Variants in KIF5C observed in about 807,000 individuals in gnomAD.
KIF5C encodes the protein kinesin heavy chain isoform 5C.
Under a neutral mutation model 125.2 loss-of-function variants are expected in KIF5C, and 18 were observed. That is an observed-to-expected ratio of 0.14 (90% CI 0.10 to 0.21). The LOEUF (loss-of-function observed/expected upper bound fraction) is 0.21. Among genes scored for constraint, KIF5C ranks in the 10% least tolerant of loss-of-function variants. The pLI, the probability that KIF5C is intolerant of heterozygous loss-of-function variation, is 1.00. For missense variants in KIF5C, 780 were observed against 1,183.8 expected (o/e 0.66, Z 5.01); for synonymous variants, 405 against 434.0 (o/e 0.93, Z 0.83).
Position 148,954,055 on chromosome 2 carries a change from G to A in KIF5C, c.968+3593G>A, listed in dbSNP as rs190953302. Reference sequence around the variant, plus strand: ...AGCCCCCCACCCCCCGACAGGCCCCGATATGTGATCCATCCATGTGTTCTC... The same window carrying A: ...AGCCCCCCACCCCCCGACAGGCCCCAATATGTGATCCATCCATGTGTTCTC... On this transcript the variant is annotated intron_variant, in intron 10 of 25. Transcript: ENST00000435030. 3.6e-3 allele frequency among the ~76,000 whole-genome samples: 198 copies of A among 55,552 alleles called. 1 individual carries two copies. The highest frequency in any genetic ancestry group is 1.3e-3 in the Non-Finnish European group (39 of 30,254). 36.4% of individuals were successfully genotyped at this position (55,552 alleles called of 152,430 possible). A position where few individuals can be genotyped will look rare whatever the true frequency, so the allele number is the denominator to read the frequency against.
intron 21 of KIF5C, among the ~76,000 whole-genome samples, chr2:149,004,731 GAACATTAT>G (rs1681954644): frequency 6.6e-6 from 1 of 152,088 alleles, no homozygotes; most frequent in East Asian, 1.9e-4. Context: ...AATGTTCTAA[GAACATTAT>G]AAGGTTCATC....
At chr2:148,976,330 T>C (rs1029473489) in intron 12 of KIF5C, among the ~76,000 whole-genome samples, 3 of 151,890 alleles carry the variant, frequency 2.0e-5, no homozygotes, top group African/African-American at 7.3e-5. Context: ...AGTCCAGTGG[T>C]GCGACCTCAG....
At chr2:148,961,661 A>T (rs2105130313) in intron 10 of KIF5C, among the ~76,000 whole-genome samples, 1 of 152,298 alleles carries the variant, frequency 6.6e-6, no homozygotes, top group East Asian at 1.9e-4. Context: ...AACCATAAGG[A>T]TGGCTGAGAA....
chr2:148,958,095 T>A (rs536016394), intron 10 of KIF5C, among the ~76,000 whole-genome samples: 10 of 152,298 alleles, frequency 6.6e-5, no homozygotes, highest in Non-Finnish European at 1.2e-4. Context: ...TAGGTATCCA[T>A]TCTATTGTTG....
intron 10 of KIF5C, among the ~76,000 whole-genome samples, chr2:148,960,805 G>A (rs908347078): frequency 6.6e-6 from 1 of 152,200 alleles, no homozygotes; most frequent in Admixed American, 6.5e-5. Flanking sequence ...CAAATATGAC[G>A]GTGTAAGAAC....
At chr2:148,883,245 T>C (rs1203108275) in intron 1 of KIF5C, among the ~76,000 whole-genome samples, 1 of 152,224 alleles carries the variant, frequency 6.6e-6, no homozygotes, top group Admixed American at 6.5e-5. Flanking sequence ...CTCACACCTG[T>C]AATCCCAGCA....
intron 8 of KIF5C, 97 bp downstream of exon 8, chr2:148,947,120 T>C (rs1682536845): frequency 6.9e-7 from 1 of 1,459,184 alleles, no homozygotes; most frequent in East Asian, 2.5e-5. Context: ...TTTCCTGCTT[T>C]AAAGAGCTTT....
intron 25 of KIF5C, among the ~76,000 whole-genome samples, chr2:149,018,869 T>C (rs1682449046): frequency 1.3e-5 from 2 of 152,114 alleles, no homozygotes; most frequent in South Asian, 4.1e-4. Flanking sequence ...TGAGTTTATA[T>C]ATATATATAT....
At chr2:148,953,194 A>G (rs997957653) in intron 10 of KIF5C, among the ~76,000 whole-genome samples, 2 of 152,228 alleles carry the variant, frequency 1.3e-5, no homozygotes, top group Non-Finnish European at 2.9e-5. Flanking sequence ...CAACTAGTTC[A>G]CAGTAGGTGG....
chr2:148,998,169 G>A lies in KIF5C; in HGVS notation c.2101-231G>A, dbSNP rs547129745. ...CAAGGGAACACTTTTTATTTAGTTGGTGGGCTAATTGGCTTCTAGGGCCAA... is the reference window on the plus strand; with the variant it reads ...CAAGGGAACACTTTTTATTTAGTTGATGGGCTAATTGGCTTCTAGGGCCAA... On this transcript the variant is annotated intron_variant, in intron 18 of 25. Transcript: ENST00000435030. 31 of 607,596 alleles carry A rather than the reference G, an allele frequency of 5.1e-5. No individual in the cohort carries two copies. In the African/African-American group the frequency reaches 5.4e-4, roughly 11 times the overall value. The allele number at this position is 607,596 out of a possible 1,614,324, so 37.6% of individuals were successfully genotyped here.
At position 149,007,966 on chromosome 2, in the gene KIF5C, G is replaced by A. The variant is rs1295236310; in HGVS notation, c.2449G>A (p.Val817Met). 6.2e-7 allele frequency: 1 copy of A among 1,606,970 alleles called. No individual in the cohort carries two copies. The highest frequency in any genetic ancestry group is 8.5e-7 in the Non-Finnish European group (1 of 1,175,076). Residue 817 changes from valine (V) to methionine (M), a missense_variant, in exon 23 of 26, where the codon GTG (valine) becomes ATG (methionine). Physicochemically the swap from Val to Met is conservative, Grantham distance 21. Around this residue, in one of 2 missense-constraint regions of KIF5C, gnomAD observed 573 missense variants for 742.6 expected, o/e 0.77. Coordinates refer to ENST00000435030, the MANE Select transcript of KIF5C (RefSeq NM_004522.3). ...QDLTTRVKKS[V>M]ELDNDDGGGS... ...TGACCCCTTGGTGTCAATGCAGAGT[G>A]TGGAGTTGGACAACGATGATGGAGG...
chr2:148,895,945 G>A (rs1385763626), intron 1 of KIF5C, among the ~76,000 whole-genome samples: 3 of 151,760 alleles, frequency 2.0e-5, no homozygotes, highest in East Asian at 3.9e-4. Flanking sequence ...GAGTCCCACC[G>A]TTATCACCTC....
intron 1 of KIF5C, chr2:148,878,473 C>T (rs1265955425): frequency 6.6e-6 from 1 of 152,094 alleles, no homozygotes; most frequent in East Asian, 1.9e-4. Flanking sequence ...GGATAGTTTC[C>T]GGTTTGGGGC....
chr2:149,021,085 CT>C (rs1682520505), intron 25 of KIF5C, among the ~76,000 whole-genome samples: 1 of 152,114 alleles, frequency 6.6e-6, no homozygotes, highest in Non-Finnish European at 1.5e-5. Context: ...TTTTTTGAGA[CT>C]GAGTCTCACT....
intron 12 of KIF5C, among the ~76,000 whole-genome samples, chr2:148,978,521 T>G (rs1681142302): frequency 6.6e-6 from 1 of 152,058 alleles, no homozygotes; most frequent in Admixed American, 6.6e-5. Flanking sequence ...TGACAAGATT[T>G]GGGATAATAA....
chr2:149,025,592 T>C lies in KIF5C; in HGVS notation c.*2522T>C, dbSNP rs1558956113. On this transcript the variant is annotated 3_prime_UTR_variant, in exon 26 of 26. Transcript: ENST00000435030. ...ATTTTGGTTATATGCAGCTTTTGAC[T>C]AGCATGTATTGTGTCTTTTTCTCCT... 1 of 152,360 alleles carries C rather than the reference T, an allele frequency of 6.6e-6. No individual in the cohort carries two copies. Among genetic ancestry groups the C allele is most frequent in the East Asian group, 1.9e-4 (1 of 5,192 alleles). 9.4% of individuals were successfully genotyped at this position (152,360 alleles called of 1,614,324 possible).
intron 25 of KIF5C, among the ~76,000 whole-genome samples, chr2:149,022,501 T>C (rs1486349407): frequency 6.6e-6 from 1 of 152,212 alleles, no homozygotes; most frequent in Non-Finnish European, 1.5e-5. Flanking sequence ...AATATTGTAA[T>C]GTAAACGATC....
Position 148,950,481 on chromosome 2 carries a change from G to A in KIF5C, c.968+19G>A, listed in dbSNP as rs758609481. ...GACAGAGGTACGTGTGGTCTCTCAG[G>A]ACCCATCCTCTGTGCTAGGTCTTGG... On this transcript the variant is annotated intron_variant, in intron 10 of 25. Transcript: ENST00000435030. 3.1e-6 allele frequency: 5 copies of A among 1,609,248 alleles called. No individual in the cohort carries two copies. The African/African-American group carries it at 4.0e-5, about 13-fold the overall frequency.
In KIF5C at chr2:149,011,578, A is replaced by G. The variant is rs1376000589; in HGVS notation, c.2776A>G (p.Ile926Val). ...CTGTTGGTTGGATACAGCCAAGCCC[A>G]TCCGCCCCGGACACTACCCGGCCTC... The part of the protein sequence containing the change: ...RAHSAQIAKP[I>V]RPGHYPASSP... The change falls in exon 25 of 26, where the codon ATC becomes GTC. Residue 926 changes from isoleucine (I) to valine (V), a missense_variant. Ile to Val is a conservative substitution (Grantham distance 29). Around this residue, in one of 2 missense-constraint regions of KIF5C, gnomAD observed 573 missense variants for 742.6 expected, o/e 0.77. Transcript: ENST00000435030. 2.5e-6 allele frequency: 4 copies of G among 1,613,912 alleles called. No homozygotes were observed. Among genetic ancestry groups the G allele is most frequent in the Admixed American group, 1.7e-5 (1 of 60,008 alleles).
Sources: gnomAD v4.1 joint callset for allele counts (sites outside exome capture counted in the v4.1 genomes callset) on GRCh38, gnomAD v4.1.1 for gene constraint, gnomAD v4.1.1 regional missense constraint, MANE v1.5 for transcripts, NCBI Gene and HGNC (gene_info 2026-07-23, HGNC 2026-07-21) for gene names.